The following AMD1 variants were observed in gnomAD, a reference collection of about 807,000 sequenced individuals.
AMD1 encodes the protein S-adenosylmethionine decarboxylase proenzyme.
In AMD1, 11 loss-of-function variants were observed where a neutral mutation model predicts 40.2. That is an observed-to-expected ratio of 0.27 (90% CI 0.17 to 0.45). The LOEUF (loss-of-function observed/expected upper bound fraction) is 0.45, where lower values mean the gene tolerates loss of function less well. Among genes scored for constraint, AMD1 ranks in the 20% least tolerant of loss-of-function variants. The pLI is 1.00. For missense variants in AMD1, 257 were observed against 410.2 expected (o/e 0.63, Z 3.23); for synonymous variants, 121 against 130.8 (o/e 0.93, Z 0.51).
the AMD1 span, among the ~76,000 whole-genome samples, chr6:110,855,720 T>C: frequency 6.6e-6 from 1 of 152,092 alleles, no homozygotes; most frequent in African/African-American, 2.4e-5. Context: ...AAAATGGACT[T>C]TTAAAAACTG....
intron 4 of AMD1, 36 bp downstream of exon 4, chr6:110,890,392 T>TA (rs1785947052): frequency 6.8e-7 from 1 of 1,470,044 alleles, no homozygotes. Context: ...GTTGTCTTCT[T>TA]AAAGATAGAA....
the AMD1 span, among the ~76,000 whole-genome samples, chr6:110,867,436 G>C: frequency 1.3e-5 from 2 of 152,066 alleles, no homozygotes; most frequent in African/African-American, 4.8e-5. Context: ...AGGCTGAGAG[G>C]GGGGATCACT....
the AMD1 span, among the ~76,000 whole-genome samples, chr6:110,869,649 A>G: frequency 7.2e-5 from 11 of 151,898 alleles, no homozygotes; most frequent in South Asian, 2.1e-4. Context: ...AGCTGGGATT[A>G]TAGGCGTGCT....
chr6:110,832,717 TA>T, the AMD1 span, among the ~76,000 whole-genome samples: 1 of 152,244 alleles, frequency 6.6e-6, no homozygotes, highest in African/African-American at 2.4e-5. Flanking sequence ...GCTCATCCTC[TA>T]GTGTTCTCAC....
Position 110,888,860 on chromosome 6 carries a change from G to A in AMD1, c.201G>A (p.Glu67=), listed in dbSNP as rs1396863788. The part of the protein sequence containing the change: ...TDKQEAYVLS[E]SSMFVSKRRF... ...TTGTGACTTTTTTCAACTGCAGTGA[G>A]AGTAGCATGTTTGTCTCCAAGAGAC... The change falls in exon 3 of 9, where the codon GAG becomes GAA. Residue 67 remains glutamate (E), a synonymous_variant. Coordinates refer to ENST00000368885, the MANE Select transcript of AMD1 (RefSeq NM_001634.6). The A allele has an allele frequency of 6.2e-7, 1 of 1,611,496 alleles. No homozygotes were observed. The highest frequency in any genetic ancestry group is 8.5e-7 in the Non-Finnish European group (1 of 1,179,428).
At chr6:110,850,935 T>G in the AMD1 span, among the ~76,000 whole-genome samples, 3 of 152,170 alleles carry the variant, frequency 2.0e-5, no homozygotes, top group Non-Finnish European at 4.4e-5. Context: ...TCATTATAAC[T>G]AATAAAAGGT....
At chr6:110,814,794 G>T in the AMD1 span, 7 of 688,152 alleles carry the variant, frequency 1.0e-5, no homozygotes, top group Non-Finnish European at 1.8e-5. Flanking sequence ...CCTCGGACCG[G>T]GCTGCGCCGC....
intron 1 of AMD1, among the ~76,000 whole-genome samples, chr6:110,887,256 T>G (rs763731774): frequency 6.6e-6 from 1 of 152,204 alleles, no homozygotes; most frequent in Non-Finnish European, 1.5e-5. Flanking sequence ...TTGAACATTT[T>G]TTTGCCTATT....
At chr6:110,853,678 C>T in the AMD1 span, among the ~76,000 whole-genome samples, 1 of 152,066 alleles carries the variant, frequency 6.6e-6, no homozygotes, top group Non-Finnish European at 1.5e-5. Flanking sequence ...TCATCTCAAG[C>T]GATCCTCTCA....
chr6:110,879,176 C>CA (rs1268557095), intron 1 of AMD1, among the ~76,000 whole-genome samples: 5 of 151,964 alleles, frequency 3.3e-5, no homozygotes, highest in Admixed American at 6.6e-5. Flanking sequence ...CCTGACTCTA[C>CA]AAAAAAAATT....
At chr6:110,818,735 GC>G in the AMD1 span, among the ~76,000 whole-genome samples, 1 of 152,088 alleles carries the variant, frequency 6.6e-6, no homozygotes, top group Non-Finnish European at 1.5e-5. Context: ...ACAGGGTTTT[GC>G]CATGTTGGCC....
At chr6:110,852,056 G>GTT in the AMD1 span, among the ~76,000 whole-genome samples, 34 of 137,634 alleles carry the variant, frequency 2.5e-4, no homozygotes, top group African/African-American at 7.9e-4. Flanking sequence ...AGATTTTTTT[G>GTT]TTTTTTTTTT....
the AMD1 span, among the ~76,000 whole-genome samples, chr6:110,863,371 CT>C: frequency 0.016 from 2,012 of 127,700 alleles, 14 homozygotes; most frequent in Non-Finnish European, 0.023. Context: ...ATTCTGCTTG[CT>C]TTTTTTTTTT....
the AMD1 span, among the ~76,000 whole-genome samples, chr6:110,867,069 TC>T: frequency 6.6e-6 from 1 of 151,918 alleles, no homozygotes; most frequent in African/African-American, 2.4e-5. Context: ...CGCCTCGGCC[TC>T]CCAAAGTGCT....
the AMD1 span, among the ~76,000 whole-genome samples, chr6:110,821,369 C>A: frequency 6.6e-6 from 1 of 152,008 alleles, no homozygotes; most frequent in African/African-American, 2.4e-5. Flanking sequence ...GAGGCCGAGG[C>A]GGGTGGATCA....
At chr6:110,861,113 C>G in the AMD1 span, among the ~76,000 whole-genome samples, 14 of 152,058 alleles carry the variant, frequency 9.2e-5, no homozygotes, top group African/African-American at 3.4e-4. Flanking sequence ...AATCCCAGCA[C>G]TTTGGGAGGC....
At chr6:110,880,951 G>A (rs571510017) in intron 1 of AMD1, among the ~76,000 whole-genome samples, 29 of 152,214 alleles carry the variant, frequency 1.9e-4, no homozygotes, top group African/African-American at 6.3e-4. Context: ...TTAATCAGGC[G>A]ACATAGAGAA....
chr6:110,886,508 GT>G (rs1204015956), intron 1 of AMD1, among the ~76,000 whole-genome samples: 1 of 152,050 alleles, frequency 6.6e-6, no homozygotes, highest in African/African-American at 2.4e-5. Flanking sequence ...GTTTCACCAT[GT>G]TGGTCAGGCT....
the AMD1 span, among the ~76,000 whole-genome samples, chr6:110,837,981 G>T: frequency 6.8e-6 from 1 of 147,572 alleles, no homozygotes; most frequent in Non-Finnish European, 1.5e-5. Context: ...AGAATAACTT[G>T]AACCTGGGAG....
Sources: allele counts gnomAD v4.1 joint callset (sites outside exome capture counted in the v4.1 genomes callset), GRCh38; gene constraint gnomAD v4.1.1; transcripts MANE v1.5; gene names NCBI Gene and HGNC (gene_info 2026-07-23, HGNC 2026-07-21).